Variants in RPS6KA6 observed in about 807,000 individuals in gnomAD.
RPS6KA6 encodes ribosomal protein S6 kinase A6.
In RPS6KA6, 27 loss-of-function variants were observed where a neutral mutation model predicts 65.4. The ratio of observed to expected loss-of-function variants is 0.41; its 90% CI spans 0.30 to 0.57. The LOEUF is 0.57. Ranked by LOEUF, RPS6KA6 falls within the 20% of genes least tolerant of loss-of-function variation. The pLI is 0.24. For missense variants in RPS6KA6, 486 were observed against 555.6 expected (o/e 0.87, Z 1.26); for synonymous variants, 190 against 184.2 (o/e 1.03, Z -0.26).
Position 84,188,151 on chromosome X carries a change from G to C in RPS6KA6, c.-252C>G, listed in dbSNP as rs912846153. On this transcript the variant is annotated 5_prime_UTR_variant, in exon 1 of 22. Coordinates refer to ENST00000262752, the MANE Select transcript of RPS6KA6 (RefSeq NM_014496.5). ...GCTGCCTCTCCAAGAGCTGCCGCTC[G>C]GCTCGCGCTCACCACTGCCACCACA... Among the ~76,000 whole-genome samples, 15 of 111,091 alleles carry C rather than the reference G, an allele frequency of 1.4e-4. No individual in the cohort carries two copies. The highest frequency in any genetic ancestry group is 2.8e-4 in the Admixed American group (3 of 10,610).
chrX:84,112,382 G>A (rs1279174959), intron 12 of RPS6KA6, among the ~76,000 whole-genome samples: 4 of 111,663 alleles, frequency 3.6e-5, no homozygotes, highest in Non-Finnish European at 7.5e-5. Flanking sequence ...TTTCTCCACC[G>A]CCCATGTAAC....
intron 6 of RPS6KA6, among the ~76,000 whole-genome samples, chrX:84,145,101 A>G (rs1460709188): frequency 9.0e-6 from 1 of 110,988 alleles, no homozygotes; most frequent in Non-Finnish European, 1.9e-5. Context: ...GTTATATACA[A>G]ATGTAAAAAC....
At position 84,064,109 on chromosome X, in the gene RPS6KA6, G is replaced by A; in HGVS notation, c.*168C>T. 2.0e-6 allele frequency: 1 copy of A among 510,997 alleles called. No homozygotes were observed. Among genetic ancestry groups the A allele is most frequent in the Non-Finnish European group, 3.1e-6 (1 of 323,423 alleles). 42.1% of individuals were successfully genotyped at this position (510,997 alleles called of 1,213,427 possible). A position where few individuals can be genotyped will look rare whatever the true frequency, so the allele number is the denominator to read the frequency against. On this transcript the variant is annotated 3_prime_UTR_variant, in exon 22 of 22. Transcript: ENST00000262752. ...ACTGCAAACACATAGTATGAATATT[G>A]TGGACCTGTGAATGGTTTTTTAAAT...
At chrX:84,072,384 G>T (rs1253598530) in intron 20 of RPS6KA6, among the ~76,000 whole-genome samples, 1 of 111,363 alleles carries the variant, frequency 9.0e-6, no homozygotes, top group Non-Finnish European at 1.9e-5. Flanking sequence ...AAACAAATTA[G>T]GTATAGAAGA....
chrX:84,166,597 A>T (rs1351757353), intron 1 of RPS6KA6, among the ~76,000 whole-genome samples: 1 of 111,601 alleles, frequency 9.0e-6, no homozygotes, highest in African/African-American at 3.3e-5. Context: ...GACATATGAA[A>T]CACTATGAGA....
chrX:84,151,728 A>T (rs2035329902), intron 3 of RPS6KA6, among the ~76,000 whole-genome samples: 1 of 111,788 alleles, frequency 8.9e-6, no homozygotes, highest in Admixed American at 9.5e-5. Context: ...AGGGTATTCA[A>T]GGATTGAGAT....
intron 20 of RPS6KA6, among the ~76,000 whole-genome samples, chrX:84,075,989 T>C (rs1261309607): frequency 8.9e-6 from 1 of 111,829 alleles, no homozygotes. Context: ...GACATCAGTA[T>C]AGATTACAGT....
At chrX:84,169,050 A>C (rs2035639742) in intron 1 of RPS6KA6, among the ~76,000 whole-genome samples, 1 of 112,496 alleles carries the variant, frequency 8.9e-6, no homozygotes, top group Non-Finnish European at 1.9e-5. Flanking sequence ...TATTTCAAAA[A>C]TAAAATTTGT....
Position 84,085,120 on chromosome X carries a change from T to C in RPS6KA6, c.1971+11074A>G, listed in dbSNP as rs748201516. Among the ~76,000 whole-genome samples, 4 of 111,782 alleles carry C rather than the reference T, an allele frequency of 3.6e-5. No individual in the cohort carries two copies. The South Asian group carries it at 1.5e-3, about 42-fold the overall frequency. The stretch of plus-strand genomic sequence containing the variant: ...CTTTTGGGCTGAGACAATGGGGTTT[T>C]CTAGATATAAGATCAAGTCATCTGC... On this transcript the variant is annotated intron_variant, in intron 20 of 21. Transcript: ENST00000262752.
At chrX:84,160,070 C>A (rs1464654926) in intron 2 of RPS6KA6, among the ~76,000 whole-genome samples, 2 of 111,317 alleles carry the variant, frequency 1.8e-5, no homozygotes, top group Non-Finnish European at 3.8e-5. Context: ...GGTACATAAT[C>A]TTAGCTGATC....
intron 16 of RPS6KA6, among the ~76,000 whole-genome samples, chrX:84,105,253 G>A (rs1209090178): frequency 2.7e-5 from 3 of 110,882 alleles, no homozygotes; most frequent in Non-Finnish European, 5.7e-5. Flanking sequence ...ATTGATCAAG[G>A]TGATAGTTGA....
chrX:84,152,808 C>G (rs2035351489), intron 3 of RPS6KA6, among the ~76,000 whole-genome samples: 1 of 111,539 alleles, frequency 9.0e-6, no homozygotes, highest in African/African-American at 3.2e-5. Context: ...AAAGTCCTAA[C>G]TCCCAGTACC....
chrX:84,119,923 A>G lies in RPS6KA6; in HGVS notation c.751T>C (p.Ser251Pro), dbSNP rs1418167462. ...APEVVNRRGH[S>P]QSADWWSYGV... Reference sequence around the variant, plus strand: ...TATGACCACCAATCAGCACTCTGGGAATGGCCTCTCCTATTTACTACTTCA... The same window carrying G: ...TATGACCACCAATCAGCACTCTGGGGATGGCCTCTCCTATTTACTACTTCA... The change falls in exon 9 of 22, where the codon TCC (serine) becomes CCC (proline). Residue 251 changes from serine (S) to proline (P), a missense_variant. By Grantham distance (74) the Ser-to-Pro change is moderately conservative. Around this residue, in one of 3 missense-constraint regions of RPS6KA6, gnomAD observed 345 missense variants for 375.0 expected, o/e 0.92. Coordinates refer to ENST00000262752, the MANE Select transcript of RPS6KA6 (RefSeq NM_014496.5). 1 of 1,199,489 alleles carries G rather than the reference A, an allele frequency of 8.3e-7. No homozygotes were observed. The highest frequency in any genetic ancestry group is 1.7e-5 in the African/African-American group (1 of 57,423).
intron 12 of RPS6KA6, among the ~76,000 whole-genome samples, chrX:84,108,760 G>A (rs1377584567): frequency 9.0e-6 from 1 of 111,711 alleles, no homozygotes; most frequent in Non-Finnish European, 1.9e-5. Context: ...GAGCAGCCTG[G>A]CGCCGGCTGC....
chrX:84,151,066 G>T (rs1302418825), intron 3 of RPS6KA6, among the ~76,000 whole-genome samples: 1 of 95,716 alleles, frequency 1.0e-5, no homozygotes, highest in African/African-American at 3.8e-5. Flanking sequence ...ATATATAGAG[G>T]ATAGATATAT....
At chrX:84,103,781 C>T (rs1569385874) in intron 17 of RPS6KA6, among the ~76,000 whole-genome samples, 1 of 110,875 alleles carries the variant, frequency 9.0e-6, no homozygotes, top group Admixed American at 9.6e-5. Flanking sequence ...TTAAACCACA[C>T]ACAAAATTGA....
At chrX:84,159,019 T>C in intron 2 of RPS6KA6, among the ~76,000 whole-genome samples, 1 of 111,594 alleles carries the variant, frequency 9.0e-6, no homozygotes, top group East Asian at 2.8e-4. Context: ...ACATAATAGA[T>C]ATACACACAA....
rs140567374 is a variant in RPS6KA6, at chrX:84,064,297, G to A, written c.2218C>T (p.Arg740Ter). ...SLAQRRSMKK[R>*]TSTGL ...AAATCTTACAGGCCAGTTGATGTTC[G>A]CTTTTTCATGCTCCGTCGCTGGGCT... Residue 740 changes from arginine to a stop codon, truncating the protein, a stop_gained, in exon 22 of 22, where the codon CGA becomes TGA. Coordinates refer to ENST00000262752, the MANE Select transcript of RPS6KA6 (RefSeq NM_014496.5). LOFTEE classifies it high-confidence loss of function. 12 of 1,205,702 alleles carry A rather than the reference G, an allele frequency of 1.0e-5. No individual in the cohort carries two copies. The highest frequency in any genetic ancestry group is 1.1e-6 in the Non-Finnish European group (1 of 893,182).
chrX:84,127,258 G>A (rs1004754268), intron 8 of RPS6KA6, among the ~76,000 whole-genome samples: 5 of 110,761 alleles, frequency 4.5e-5, no homozygotes, highest in African/African-American at 9.8e-5. Flanking sequence ...TCCTTGTCAC[G>A]TAAAACCTAC....
Sources: gnomAD v4.1 joint callset for allele counts (sites outside exome capture counted in the v4.1 genomes callset) on GRCh38, gnomAD v4.1.1 for gene constraint, gnomAD v4.1.1 regional missense constraint, MANE v1.5 for transcripts, NCBI Gene and HGNC (gene_info 2026-07-23, HGNC 2026-07-21) for gene names.